CFAP20DC: variants seen among roughly 807,000 people sequenced by gnomAD.
CFAP20DC encodes the protein protein CFAP20DC.
CFAP20DC carries 84 observed loss-of-function variants against 101.7 expected under a neutral mutation model. The ratio of observed to expected loss-of-function variants is 0.83; its 90% CI spans 0.69 to 0.99. The LOEUF (loss-of-function observed/expected upper bound fraction) is 0.99. CFAP20DC is among the 50% of genes least tolerant of loss of function. The pLI is 0.00. For synonymous variants in CFAP20DC, 359 were observed against 351.2 expected, an observed-to-expected ratio of 1.02 and a Z score of -0.25; for missense variants, 1,007 against 970.3, an observed-to-expected ratio of 1.04 and a Z score of -0.50.
intron 4 of CFAP20DC, chr3:59,017,763 T>C (rs1172918188): frequency 6.6e-6 from 1 of 152,080 alleles, no homozygotes; most frequent in Non-Finnish European, 1.5e-5. Flanking sequence ...TTCACCTAAA[T>C]GGAATGCTCA....
At chr3:58,955,145 C>G (rs1177762601) in intron 4 of CFAP20DC, among the ~76,000 whole-genome samples, 1 of 152,030 alleles carries the variant, frequency 6.6e-6, no homozygotes, top group Non-Finnish European at 1.5e-5. Context: ...TCAAAAAGAT[C>G]CCTTAGACCA....
intron 4 of CFAP20DC, among the ~76,000 whole-genome samples, chr3:58,993,538 T>C (rs2093009487): frequency 6.6e-6 from 1 of 152,120 alleles, no homozygotes; most frequent in South Asian, 2.1e-4. Context: ...ACCTAGGTAT[T>C]AAGCTCATCA....
At chr3:59,044,983 T>TACAG (rs560734843) in intron 3 of CFAP20DC, among the ~76,000 whole-genome samples, 9 of 144,510 alleles carry the variant, frequency 6.2e-5, no homozygotes, top group African/African-American at 2.4e-4. Flanking sequence ...AACCTCCTAT[T>TACAG]ACAGACACAC....
intron 13 of CFAP20DC, among the ~76,000 whole-genome samples, chr3:58,837,351 T>C (rs1237341961): frequency 6.6e-6 from 1 of 152,048 alleles, no homozygotes; most frequent in East Asian, 1.9e-4. Flanking sequence ...AGCAGTGAAA[T>C]GAGTGATGTA....
rs1276070507 is a variant in CFAP20DC at position 58,724,728 on chromosome 3, G to A, written c.198-7100C>T. ...CTTTTGCAGCCTCCATTTTGCAACTGGCCCCCTGGCTCCCACCTTTATGAA... is the reference window on the plus strand; with the variant it reads ...CTTTTGCAGCCTCCATTTTGCAACTAGCCCCCTGGCTCCCACCTTTATGAA... On this transcript the variant is annotated intron_variant, in intron 3 of 3. Coordinates refer to the CFAP20DC transcript ENST00000486145. The surrounding 1 kb of genome is among the most constrained non-coding windows in gnomAD (Gnocchi z 5.6). Among the ~76,000 whole-genome samples the A allele has an allele frequency of 6.6e-6, 1 of 152,162 alleles. No homozygotes were observed. Among genetic ancestry groups the A allele is most frequent in the Non-Finnish European group, 1.5e-5 (1 of 68,028 alleles).
intron 15 of CFAP20DC, among the ~76,000 whole-genome samples, chr3:58,756,178 C>T (rs2068938670): frequency 6.6e-6 from 1 of 152,144 alleles, no homozygotes. Context: ...ACTAATCCAA[C>T]ACCACAGGTT....
At chr3:58,739,067 T>C (rs2067822430), downstream of CFAP20DC, among the ~76,000 whole-genome samples, 1 of 151,934 alleles carries the variant, frequency 6.6e-6, no homozygotes, top group Non-Finnish European at 1.5e-5. Flanking sequence ...GAAACTAATC[T>C]AAAAATCAAG....
At chr3:58,843,643 G>GGAA (rs2077350454) in intron 13 of CFAP20DC, among the ~76,000 whole-genome samples, 2 of 151,670 alleles carry the variant, frequency 1.3e-5, no homozygotes, top group African/African-American at 2.4e-5. Context: ...CCAACGTTCA[G>GGAA]ATTCAGGAAA....
At chr3:59,004,367 T>C (rs1394088220) in intron 4 of CFAP20DC, among the ~76,000 whole-genome samples, 1 of 152,196 alleles carries the variant, frequency 6.6e-6, no homozygotes, top group Non-Finnish European at 1.5e-5. Flanking sequence ...AAGTGTTTTA[T>C]AAAATATAAA....
At chr3:58,784,907 G>C (rs541102301) in intron 15 of CFAP20DC, among the ~76,000 whole-genome samples, 1 of 152,000 alleles carries the variant, frequency 6.6e-6, no homozygotes, top group South Asian at 2.1e-4. Context: ...ACTACCATTC[G>C]ATCCAGCAAT....
intron 6 of CFAP20DC, among the ~76,000 whole-genome samples, chr3:58,909,725 G>A (rs1042054603): frequency 2.0e-5 from 3 of 152,010 alleles, no homozygotes; most frequent in Non-Finnish European, 4.4e-5. Context: ...ATTAAATTAA[G>A]TTTAATTTAA....
chr3:58,753,785 T>G lies in CFAP20DC; in HGVS notation c.2316A>C (p.Glu772Asp). 6.2e-7 allele frequency: 1 copy of G among 1,612,150 alleles called. No homozygotes were observed. The highest frequency in any genetic ancestry group is 8.5e-7 in the Non-Finnish European group (1 of 1,178,806). Residue 772 changes from glutamate (E) to aspartate (D), a missense_variant, in exon 16 of 17, where the codon GAA becomes GAC. Coordinates refer to ENST00000482387, the MANE Select transcript of CFAP20DC (RefSeq NM_001394063.1). The part of the protein sequence containing the change: ...QPAEQRPDSC[E>D]SLSVQGEEDL... ...TAGTCCCACCTTGAACACTCAAACTTTCACAGGAATCTGGACGCTGCTCAG... is the reference window on the plus strand; with the variant it reads ...TAGTCCCACCTTGAACACTCAAACTGTCACAGGAATCTGGACGCTGCTCAG...
chr3:58,899,629 A>T lies in CFAP20DC; in HGVS notation c.550+14079T>A, dbSNP rs1185333637. ...CCTGGTGGCATGCGCTTATGAGGGG[A>T]TCTCCTAATCTGCTGGTTGCAAAGA... On this transcript the variant is annotated intron_variant, in intron 6 of 16. Coordinates refer to ENST00000482387, the MANE Select transcript of CFAP20DC (RefSeq NM_001394063.1). The surrounding 1 kb of genome is among the most constrained non-coding windows in gnomAD (Gnocchi z 5.0). 6.6e-6 allele frequency among the ~76,000 whole-genome samples: 1 copy of T among 151,840 alleles called. No individual in the cohort carries two copies. Among genetic ancestry groups the T allele is most frequent in the Non-Finnish European group, 1.5e-5 (1 of 67,982 alleles).
chr3:59,039,513 G>A (rs1302129212), intron 4 of CFAP20DC, 44 bp downstream of exon 4: 5 of 1,179,042 alleles, frequency 4.2e-6, no homozygotes, highest in Admixed American at 4.3e-5. Flanking sequence ...TTGATCAAAT[G>A]TCTAATACAC....
chr3:58,900,422 T>C (rs2083049510), intron 6 of CFAP20DC, among the ~76,000 whole-genome samples: 1 of 152,194 alleles, frequency 6.6e-6, no homozygotes, highest in Non-Finnish European at 1.5e-5. Context: ...ATACACATTT[T>C]ATTTGGATAT....
chr3:59,033,618 T>G (rs1212817588), intron 4 of CFAP20DC, among the ~76,000 whole-genome samples: 1 of 151,842 alleles, frequency 6.6e-6, no homozygotes, highest in Non-Finnish European at 1.5e-5. Flanking sequence ...AAGATCAACT[T>G]AAGGAAATAA....
At chr3:59,004,719 A>G (rs1576672722) in intron 4 of CFAP20DC, among the ~76,000 whole-genome samples, 1 of 152,234 alleles carries the variant, frequency 6.6e-6, no homozygotes, top group South Asian at 2.1e-4. Context: ...CTGTGGCTGC[A>G]TAGAGGCCCC....
chr3:58,928,977 G>T (rs551122142), intron 5 of CFAP20DC, among the ~76,000 whole-genome samples: 13 of 152,218 alleles, frequency 8.5e-5, no homozygotes, highest in African/African-American at 3.1e-4. Flanking sequence ...GAGGAAGACA[G>T]ATGAATTGAA....
At position 58,830,604 on chromosome 3, in the gene CFAP20DC, C is replaced by T. The variant is rs552040481; in HGVS notation, c.2175+1082G>A. Among the ~76,000 whole-genome samples, 29 of 152,304 alleles carry T rather than the reference C, an allele frequency of 1.9e-4. No individual in the cohort carries two copies. The South Asian group carries it at 6.0e-3, about 32-fold the overall frequency. On this transcript the variant is annotated intron_variant, in intron 14 of 16. Transcript: ENST00000482387. ...AAATTCATATGTATTTAATTAAATA[C>T]TTAAAACCTAACTTATCCGCGTCAA...
Sources: allele counts gnomAD v4.1 joint callset (sites outside exome capture counted in the v4.1 genomes callset), GRCh38; gene constraint gnomAD v4.1.1; non-coding constraint Gnocchi (gnomAD v3.1); transcripts MANE v1.5; gene names NCBI Gene and HGNC (gene_info 2026-07-23, HGNC 2026-07-21).